Variants in TMEM117 observed in about 807,000 individuals in gnomAD.
TMEM117 encodes the protein transmembrane protein 117.
A neutral mutation model predicts 52.4 loss-of-function variants in TMEM117; 27 were observed. The observed-to-expected ratio is 0.51, with a 90% CI of 0.38 to 0.71. TMEM117 has a LOEUF of 0.71. TMEM117 is among the 30% of genes least tolerant of loss of function. The pLI, the probability that TMEM117 is intolerant of heterozygous loss-of-function variation, is 0.00. For missense variants in TMEM117, 556 were observed against 630.5 expected (o/e 0.88, Z 1.26); for synonymous variants, 215 against 206.3 (o/e 1.04, Z -0.36).
chr12:44,070,419 T>G (rs1947284595), intron 3 of TMEM117, among the ~76,000 whole-genome samples: 1 of 152,204 alleles, frequency 6.6e-6, no homozygotes, highest in Non-Finnish European at 1.5e-5. Context: ...TTAAAATATT[T>G]TCATTCTTAG....
At chr12:43,990,527 T>TA (rs1264070608) in intron 3 of TMEM117, among the ~76,000 whole-genome samples, 1 of 152,198 alleles carries the variant, frequency 6.6e-6, no homozygotes, top group Non-Finnish European at 1.5e-5. Context: ...AAAGATTTTT[T>TA]ATATAACTTA....
At chr12:43,885,911 C>G (rs1226308965) in intron 2 of TMEM117, among the ~76,000 whole-genome samples, 59 of 152,198 alleles carry the variant, frequency 3.9e-4, no homozygotes, top group Non-Finnish European at 1.2e-4. Flanking sequence ...AATAAGCATT[C>G]CAGGTATGAG....
chr12:44,274,040 ATAT>A (rs1234810987), intron 5 of TMEM117, among the ~76,000 whole-genome samples: 1 of 152,176 alleles, frequency 6.6e-6, no homozygotes, highest in African/African-American at 2.4e-5. Flanking sequence ...TTTGCAGATG[ATAT>A]TATCTTATAT....
At chr12:44,258,340 T>C (rs1307523054) in intron 5 of TMEM117, among the ~76,000 whole-genome samples, 2 of 152,154 alleles carry the variant, frequency 1.3e-5, no homozygotes, top group East Asian at 3.8e-4. Context: ...CGTGGCCTCA[T>C]TGAGTAATGG....
At chr12:44,040,765 T>G (rs888237627) in intron 3 of TMEM117, among the ~76,000 whole-genome samples, 3 of 152,252 alleles carry the variant, frequency 2.0e-5, no homozygotes, top group Non-Finnish European at 4.4e-5. Flanking sequence ...GATATTGTCC[T>G]TGTTGGACAA....
chr12:44,265,433 A>G (rs1036021547), intron 5 of TMEM117, among the ~76,000 whole-genome samples: 2 of 152,184 alleles, frequency 1.3e-5, no homozygotes, highest in African/African-American at 2.4e-5. Context: ...TCTGTGGAGC[A>G]TGTATCATAG....
chr12:43,937,068 T>A (rs968530788), intron 2 of TMEM117, among the ~76,000 whole-genome samples: 2 of 151,840 alleles, frequency 1.3e-5, no homozygotes, highest in African/African-American at 2.4e-5. Context: ...AAGGCACAGG[T>A]AGGGTCTTCT....
In TMEM117 at chr12:44,180,805, A is replaced by G. The variant is rs1255506384; in HGVS notation, c.511-30485A>G. Among the ~76,000 whole-genome samples, 12 of 152,264 alleles carry G rather than the reference A, an allele frequency of 7.9e-5. 1 individual carries two copies. The East Asian group carries it at 2.1e-3, about 27-fold the overall frequency. ...CTTTGCTATCGTGAATAATGCCGCA[A>G]TAAACATATGTGTGCATGTGTCTTT... On this transcript the variant is annotated intron_variant, in intron 4 of 7. Coordinates refer to ENST00000266534, the MANE Select transcript of TMEM117 (RefSeq NM_032256.3).
intron 2 of TMEM117, among the ~76,000 whole-genome samples, chr12:43,871,840 T>C (rs1943711549): frequency 6.6e-6 from 1 of 152,218 alleles, no homozygotes; most frequent in Admixed American, 6.5e-5. Context: ...CCCTATTTAG[T>C]CCAGCAATTT....
the TMEM117 span, among the ~76,000 whole-genome samples, chr12:43,830,114 T>C: frequency 6.8e-6 from 1 of 146,056 alleles, no homozygotes; most frequent in African/African-American, 2.5e-5. Context: ...AAAGGAACTG[T>C]AGGGGGACAG....
chr12:44,033,380 T>C (rs966701405), intron 3 of TMEM117, among the ~76,000 whole-genome samples: 27 of 152,228 alleles, frequency 1.8e-4, no homozygotes, highest in Admixed American at 1.8e-3. Context: ...TTTCACTTTA[T>C]GGACTCACTC....
intron 5 of TMEM117, among the ~76,000 whole-genome samples, chr12:44,289,746 G>GT (rs1215099245): frequency 5.9e-5 from 9 of 151,616 alleles, no homozygotes; most frequent in Non-Finnish European, 1.3e-4. Context: ...TAGAGACAGG[G>GT]TTTCACTATG....
In TMEM117 at chr12:43,952,835, G is replaced by A. The variant is rs140389097; in HGVS notation, c.410+8493G>A. Among the ~76,000 whole-genome samples, 210 of 152,038 alleles carry A rather than the reference G, an allele frequency of 1.4e-3. 1 individual carries two copies. Among genetic ancestry groups the A allele is most frequent in the African/African-American group, 4.7e-3 (196 of 41,488 alleles). ...CATGAAAAGATCTACTCCAAGACACGTAATCACCAGATTCTCCAGAGTTGA... is the reference window on the plus strand; with the variant it reads ...CATGAAAAGATCTACTCCAAGACACATAATCACCAGATTCTCCAGAGTTGA... On this transcript the variant is annotated intron_variant, in intron 3 of 7. Coordinates refer to ENST00000266534, the MANE Select transcript of TMEM117 (RefSeq NM_032256.3).
intron 6 of TMEM117, among the ~76,000 whole-genome samples, chr12:44,349,594 G>A (rs1278550645): frequency 6.6e-6 from 1 of 152,004 alleles, no homozygotes; most frequent in Non-Finnish European, 1.5e-5. Flanking sequence ...GTCACTCCAT[G>A]TGAGAATACA....
intron 3 of TMEM117, among the ~76,000 whole-genome samples, chr12:44,029,587 C>T (rs1284096983): frequency 6.6e-6 from 1 of 152,182 alleles, no homozygotes; most frequent in African/African-American, 2.4e-5. Context: ...TCGCTTTCCC[C>T]ACTCTGCCAC....
chr12:44,062,886 G>A (rs933220886), intron 3 of TMEM117, among the ~76,000 whole-genome samples: 1 of 152,212 alleles, frequency 6.6e-6, no homozygotes, highest in Non-Finnish European at 1.5e-5. Flanking sequence ...TCTAATTGTG[G>A]CCATAATGGT....
intron 3 of TMEM117, among the ~76,000 whole-genome samples, chr12:44,082,434 G>C (rs1047352459): frequency 1.3e-5 from 2 of 151,900 alleles, no homozygotes; most frequent in South Asian, 4.1e-4. Flanking sequence ...TATCTATAGG[G>C]ATATAGGCAT....
intron 2 of TMEM117, among the ~76,000 whole-genome samples, chr12:43,876,865 A>T (rs566990363): frequency 2.0e-4 from 31 of 152,336 alleles, no homozygotes; most frequent in African/African-American, 7.2e-4. Flanking sequence ...ATTTTGTCAT[A>T]TCCTTTCCCT....
chr12:44,213,043 C>T (rs968137222), intron 5 of TMEM117, among the ~76,000 whole-genome samples: 4 of 152,082 alleles, frequency 2.6e-5, no homozygotes, highest in Admixed American at 2.0e-4. Context: ...GCCTATGGTA[C>T]TATTTAACCT....
Sources: gnomAD v4.1 joint callset for allele counts (sites outside exome capture counted in the v4.1 genomes callset) on GRCh38, gnomAD v4.1.1 for gene constraint, MANE v1.5 for transcripts, NCBI Gene and HGNC (gene_info 2026-07-23, HGNC 2026-07-21) for gene names.